SPTA1: variants seen among roughly 807,000 people sequenced by gnomAD.
SPTA1 encodes spectrin alpha chain, erythrocytic 1.
Under a neutral mutation model 324.7 loss-of-function variants are expected in SPTA1, and 177 were observed. The ratio of observed to expected loss-of-function variants is 0.55; its 90% confidence interval spans 0.48 to 0.62. The LOEUF (loss-of-function observed/expected upper bound fraction) is 0.62, where lower values mean the gene tolerates loss of function less well. SPTA1 is among the 20% of genes least tolerant of loss of function. The probability of loss-of-function intolerance (pLI) is 0.00; values close to 1 mark genes in which losing one functional copy is unlikely to be tolerated. For synonymous variants in SPTA1, 1,195 were observed against 1,041.3 expected (o/e 1.15, Z -2.84); for missense variants, 3,162 against 2,883.6 (o/e 1.10, Z -2.21).
rs746454108 is a variant in SPTA1, at chr1:158,636,046, C to T, written c.5311-12G>A. On this transcript the variant is annotated splice_polypyrimidine_tract_variant and intron_variant, in intron 37 of 51. Transcript: ENST00000643759. Reference sequence around the variant, plus strand: ...ATATCCAGCACATTCTGAAGAACAACCCCGATACATGTTCCATTACCCCAC... The same window carrying T: ...ATATCCAGCACATTCTGAAGAACAATCCCGATACATGTTCCATTACCCCAC... 2.5e-6 allele frequency: 4 copies of T among 1,614,008 alleles called. No homozygotes were observed. The South Asian group carries it at 3.3e-5, about 13-fold the overall frequency.
chr1:158,666,217 A>T, intron 16 of SPTA1, 99 bp downstream of exon 16: 2 of 1,213,022 alleles, frequency 1.6e-6, no homozygotes, highest in Non-Finnish European at 2.4e-6. Flanking sequence ...ATTACTTATT[A>T]AGTAATTAAT....
At chr1:158,672,630 C>T (rs547531382) in intron 10 of SPTA1, among the ~76,000 whole-genome samples, 1 of 152,224 alleles carries the variant, frequency 6.6e-6, no homozygotes, top group East Asian at 1.9e-4. Flanking sequence ...GTTCATAGAG[C>T]ACATAAAACA....
intron 40 of SPTA1, 112 bp downstream of exon 40, chr1:158,627,513 T>C: frequency 9.7e-7 from 1 of 1,036,250 alleles, no homozygotes; most frequent in Non-Finnish European, 1.5e-6. Context: ...ATTGTTAAAG[T>C]TCTGCATATG....
At position 158,626,960 on chromosome 1, in the gene SPTA1, C is replaced by T. The variant is rs769935909; in HGVS notation, c.5712G>A (p.Glu1904=). 6.2e-7 allele frequency: 1 copy of T among 1,613,886 alleles called. No homozygotes were observed. Among genetic ancestry groups the T allele is most frequent in the Non-Finnish European group, 8.5e-7 (1 of 1,179,816 alleles). Residue 1904 remains glutamate, a synonymous_variant, in exon 41 of 52, where the codon GAG becomes GAA. Transcript: ENST00000643759. ...GAGAAGGGGTCTTTTCATTCAGAGC[C>T]TCTATCTTGGAAGAAATCTCTTTGT... ...SQNKEISSKI[E]ALNEKTPSLA...
chr1:158,631,447 A>G (rs893202458), intron 39 of SPTA1, among the ~76,000 whole-genome samples: 32 of 152,150 alleles, frequency 2.1e-4, no homozygotes, highest in Admixed American at 3.9e-4. Context: ...GACTTAGAGG[A>G]CTTGAGGGAA....
chr1:158,671,308 G>A (rs1352166663), intron 12 of SPTA1, 35 bp downstream of exon 12: 1 of 1,496,274 alleles, frequency 6.7e-7, no homozygotes, highest in African/African-American at 1.4e-5. Flanking sequence ...TATACAGAGA[G>A]GGAGCCAATG....
chr1:158,668,503 A>G (rs536276600), intron 14 of SPTA1, among the ~76,000 whole-genome samples: 13 of 152,342 alleles, frequency 8.5e-5, no homozygotes, highest in African/African-American at 3.1e-4. Context: ...ACAAAATGAA[A>G]TGCAAGGATA....
At chr1:158,677,877 C>T (rs752933490) in intron 6 of SPTA1, 43 bp from the exon 7 acceptor site, 1 of 1,612,616 alleles carries the variant, frequency 6.2e-7, no homozygotes, top group Non-Finnish European at 8.5e-7. Flanking sequence ...AGATAGCAAG[C>T]ATTACAGGGC....
Position 158,627,726 on chromosome 1 carries a change from G to A in SPTA1, c.5566-3C>T, listed in dbSNP as rs764542160. ...GCTTCATGCTTCATTAGCAAGCTCT[G>A]CATAAATAAGTCGGTGAGAATTAAG... On this transcript the variant is annotated splice_region_variant and splice_polypyrimidine_tract_variant and intron_variant, in intron 39 of 51. Coordinates refer to ENST00000643759, the MANE Select transcript of SPTA1 (RefSeq NM_003126.4). 6.2e-6 allele frequency: 10 copies of A among 1,610,932 alleles called. No homozygotes were observed. In the East Asian group the frequency reaches 2.2e-4, roughly 36 times the overall value.
At chr1:158,622,551 A>C (rs980873667) in intron 43 of SPTA1, among the ~76,000 whole-genome samples, 1 of 152,166 alleles carries the variant, frequency 6.6e-6, no homozygotes, top group East Asian at 1.9e-4. Context: ...AGGTTTAGAG[A>C]TATTAAATGA....
At chr1:158,624,030 G>T (rs1650095950) in intron 42 of SPTA1, among the ~76,000 whole-genome samples, 1 of 152,178 alleles carries the variant, frequency 6.6e-6, no homozygotes, top group Admixed American at 6.5e-5. Context: ...GCTTCCATGT[G>T]GCATTGAGCC....
chr1:158,654,531 A>AAT, intron 21 of SPTA1, 80 bp downstream of exon 21: 1 of 1,579,026 alleles, frequency 6.3e-7, no homozygotes, highest in Non-Finnish European at 8.6e-7. Context: ...AGATGGTAAA[A>AAT]ATATGAATAT....
intron 17 of SPTA1, among the ~76,000 whole-genome samples, chr1:158,662,158 G>A (rs1211406015): frequency 6.6e-6 from 1 of 152,020 alleles, no homozygotes; most frequent in Non-Finnish European, 1.5e-5. Context: ...TGTCCTCATT[G>A]TCCAGCCTTT....
In SPTA1 at chr1:158,648,725, A is replaced by G. The variant is rs554164751; in HGVS notation, c.3570-72T>C. 76 of 1,563,334 alleles carry G rather than the reference A, an allele frequency of 4.9e-5. 2 individuals carry two copies. In the South Asian group the frequency reaches 6.1e-4, roughly 12 times the overall value. ...GAGGCAGGCTAGTGGGGGTCACAAG[A>G]AAGTTATCATCACTACCACTCACCA... On this transcript the variant is annotated intron_variant, in intron 25 of 51. Transcript: ENST00000643759.
At position 158,638,106 on chromosome 1, in the gene SPTA1, G is replaced by A; in HGVS notation, c.5116C>T (p.His1706Tyr). 6.2e-7 allele frequency: 1 copy of A among 1,614,008 alleles called. No homozygotes were observed. Among genetic ancestry groups the A allele is most frequent in the South Asian group, 1.1e-5 (1 of 91,076 alleles). Residue 1706 changes from histidine to tyrosine, a missense_variant, in exon 36 of 52, where the codon CAC becomes TAC. By Grantham distance (83) the His-to-Tyr change is moderately conservative. Coordinates refer to ENST00000643759, the MANE Select transcript of SPTA1 (RefSeq NM_003126.4). ...GCATAGGCCTCTTTCAATTTTTCGT[G>A]GTGTGCAGCTGCCAATTCTTGGACA... ...LNVQELAAAH[H>Y]EKLKEAYALF...
Position 158,642,444 on chromosome 1 carries a change from ACACT to A in SPTA1, c.4700_4703del (p.Glu1567ValfsTer11). ...CCTCTTCATTGCCATCACAAGCGCT[ACACT>A]CAATCAGGGAGTTCCCCAGGTTGAT... On this transcript the variant is annotated frameshift_variant, in exon 33 of 52. Transcript: ENST00000643759. LOFTEE classifies it high-confidence loss of function. 6.2e-7 allele frequency: 1 copy of A among 1,613,652 alleles called. No homozygotes were observed. The highest frequency in any genetic ancestry group is 8.5e-7 in the Non-Finnish European group (1 of 1,179,688).
rs149318811 is a variant in SPTA1 at position 158,648,328 on chromosome 1, T to G, written c.3714+181A>C. 3.4e-3 allele frequency among the ~76,000 whole-genome samples: 514 copies of G among 152,214 alleles called. 7 individuals are homozygous for G. The highest frequency in any genetic ancestry group is 0.011 in the African/African-American group (470 of 41,514). On this transcript the variant is annotated intron_variant, in intron 26 of 51. Transcript: ENST00000643759. The stretch of plus-strand genomic sequence containing the variant: ...ACAAGTTTTTTCCCCATGTTAATGG[T>G]CATGGGGCATATCCTTTTCATGGTC...
At position 158,615,377 on chromosome 1, in the gene SPTA1, C is replaced by T. The variant is rs1167295313; in HGVS notation, c.6627G>A (p.Met2209Ile). Reference protein sequence around the residue: ...NKRKQKEIQAMKRQLTKIVDL... With the variant: ...NKRKQKEIQAIKRQLTKIVDL... ...CCACAATCTTGGTTAGTTGACGCTT[C>T]ATCGCCTGGATCTCCTTCTGTTTTC... Residue 2209 changes from methionine to isoleucine, a missense_variant, in exon 48 of 52, where the codon ATG (methionine) becomes ATA (isoleucine). By Grantham distance (10) the Met-to-Ile change is conservative (BLOSUM62 1). Coordinates refer to ENST00000643759, the MANE Select transcript of SPTA1 (RefSeq NM_003126.4). The T allele has an allele frequency of 8.1e-6, 13 of 1,613,976 alleles. No individual in the cohort carries two copies. Among genetic ancestry groups the T allele is most frequent in the Non-Finnish European group, 1.1e-5 (13 of 1,180,020 alleles).
rs1652530488 is a variant in SPTA1 at position 158,652,572 on chromosome 1, C to T, written c.3270G>A (p.Glu1090=). 2 of 1,614,060 alleles carry T rather than the reference C, an allele frequency of 1.2e-6. No homozygotes were observed. Among genetic ancestry groups the T allele is most frequent in the South Asian group, 1.1e-5 (1 of 91,078 alleles). Residue 1090 remains glutamate, a synonymous_variant, in exon 23 of 52, where the codon GAG becomes GAA. Coordinates refer to ENST00000643759, the MANE Select transcript of SPTA1 (RefSeq NM_003126.4). ...QRYNEFLLAY[E]AGDMLEWIQE... is the part of the protein sequence containing the mutation. ...GAATCCATTCCAGCATGTCTCCTGCCTCATAGGCCAATAAAAATTCATTAT... is the reference window on the plus strand; with the variant it reads ...GAATCCATTCCAGCATGTCTCCTGCTTCATAGGCCAATAAAAATTCATTAT...
Sources: allele counts gnomAD v4.1 joint callset (sites outside exome capture counted in the v4.1 genomes callset), GRCh38; gene constraint gnomAD v4.1.1; transcripts MANE v1.5; gene names NCBI Gene and HGNC (gene_info 2026-07-23, HGNC 2026-07-21).